NRDE2: variants seen among roughly 807,000 people sequenced by gnomAD.
NRDE2 encodes the protein nuclear exosome regulator NRDE2.
Under a neutral mutation model 124.2 loss-of-function variants are expected in NRDE2, and 76 were observed. The observed-to-expected ratio is 0.61, with a 90% CI of 0.51 to 0.74. The LOEUF is 0.74. NRDE2 is among the 30% of genes least tolerant of loss of function. NRDE2 has a pLI of 0.00. For missense variants in NRDE2, 1,314 were observed against 1,417.3 expected, an observed-to-expected ratio of 0.93 and a Z score of 1.17; for synonymous variants, 489 against 528.1, an observed-to-expected ratio of 0.93 and a Z score of 1.01.
chr14:90,298,944 C>T (rs569992747), intron 7 of NRDE2, among the ~76,000 whole-genome samples: 3 of 152,334 alleles, frequency 2.0e-5, no homozygotes, highest in African/African-American at 7.2e-5. Flanking sequence ...CTATATATTC[C>T]TAACACCTGG....
chr14:90,314,502 C>T (rs945387093), intron 3 of NRDE2, among the ~76,000 whole-genome samples: 16 of 152,004 alleles, frequency 1.1e-4, no homozygotes, highest in Non-Finnish European at 2.4e-4. Flanking sequence ...GTAAAGATTC[C>T]CTGACATGAT....
At chr14:90,290,631 G>T (rs781395181) in intron 9 of NRDE2, 24 bp from the exon 10 acceptor site, 7 of 1,575,740 alleles carry the variant, frequency 4.4e-6, no homozygotes, top group Middle Eastern at 1.7e-4. Flanking sequence ...AAAATAAAGC[G>T]ACCCATGTAA....
At chr14:90,319,742 G>A (rs1885176248) in intron 1 of NRDE2, among the ~76,000 whole-genome samples, 1 of 152,088 alleles carries the variant, frequency 6.6e-6, no homozygotes. Flanking sequence ...ATGAACACTT[G>A]GGTTATTTCT....
At chr14:90,327,528 G>A (rs1223978797) in intron 1 of NRDE2, among the ~76,000 whole-genome samples, 4 of 150,566 alleles carry the variant, frequency 2.7e-5, no homozygotes, top group South Asian at 2.1e-4. Flanking sequence ...CAACCTGGGC[G>A]ACAGAGTGAA....
chr14:90,303,072 T>C lies in NRDE2; in HGVS notation c.1059A>G (p.Glu353=), dbSNP rs1200689595. Residue 353 remains glutamate (E), a synonymous_variant, in exon 6 of 14, where the codon GAA becomes GAG. Transcript: ENST00000354366. ...TGAGCTTCAGGGACCTCTTTCGCTTTTCCTGCTCTCCTTCCTCGATGGCAT... is the reference window on the plus strand; with the variant it reads ...TGAGCTTCAGGGACCTCTTTCGCTTCTCCTGCTCTCCTTCCTCGATGGCAT... ...GLYAIEEGEQ[E]KRKRSLKLIL... is the part of the protein sequence containing the mutation. 1.2e-6 allele frequency: 2 copies of C among 1,614,016 alleles called. No homozygotes were observed. The highest frequency in any genetic ancestry group is 1.7e-5 in the Admixed American group (1 of 60,032).
In NRDE2 at chr14:90,291,461, A is replaced by C. The variant is rs371894236; in HGVS notation, c.1843-854T>G. On this transcript the variant is annotated intron_variant, in intron 9 of 13. Coordinates refer to ENST00000354366, the MANE Select transcript of NRDE2 (RefSeq NM_017970.4). ...ATGGCAAGAAATCGCTTGCAGCAGC[A>C]GTCTGCTCCAGAAATCTGCTTCCAG... Among the ~76,000 whole-genome samples, 292 of 152,372 alleles carry C rather than the reference A, an allele frequency of 1.9e-3. 1 individual carries two copies. The Middle Eastern group carries it at 0.037, about 20-fold the overall frequency.
In NRDE2 at chr14:90,288,126, C is replaced by G. The variant is rs999365255; in HGVS notation, c.3158+91G>C. On this transcript the variant is annotated intron_variant, in intron 11 of 13. Transcript: ENST00000354366. ...TCTGGGCACCGTGCCATGTTCATCC[C>G]TGTCTTCCTGAGACCCAGCAAGGTC... 18 of 1,219,480 alleles carry G rather than the reference C, an allele frequency of 1.5e-5. No individual in the cohort carries two copies. The African/African-American group carries it at 2.4e-4, about 16-fold the overall frequency. The allele number at this position is 1,219,480 out of a possible 1,614,324, so 75.5% of individuals were successfully genotyped here.
At chr14:90,324,041 T>C (rs1056591142) in intron 1 of NRDE2, among the ~76,000 whole-genome samples, 15 of 152,162 alleles carry the variant, frequency 9.9e-5, no homozygotes, top group Admixed American at 3.3e-4. Flanking sequence ...AAATAGGGAA[T>C]AATGACAGCA....
intron 1 of NRDE2, among the ~76,000 whole-genome samples, chr14:90,319,530 C>T (rs1885168745): frequency 6.6e-6 from 1 of 152,066 alleles, no homozygotes; most frequent in Admixed American, 6.5e-5. Context: ...TAGCCAAACA[C>T]TAACCTGCTT....
chr14:90,320,022 G>T (rs1307396521), intron 1 of NRDE2, among the ~76,000 whole-genome samples: 1 of 152,184 alleles, frequency 6.6e-6, no homozygotes. Flanking sequence ...TAGTGGGTAT[G>T]ATGTGTCATC....
intron 1 of NRDE2, among the ~76,000 whole-genome samples, chr14:90,328,538 T>C (rs1224695138): frequency 6.6e-6 from 1 of 152,212 alleles, no homozygotes; most frequent in East Asian, 1.9e-4. Context: ...GGCTGCTTCA[T>C]ATGGGATGAA....
chr14:90,329,728 C>T (rs1885591742), intron 1 of NRDE2, among the ~76,000 whole-genome samples: 1 of 150,490 alleles, frequency 6.6e-6, no homozygotes, highest in African/African-American at 2.4e-5. Flanking sequence ...ATCCAAGCTA[C>T]TCGGGAGACT....
At position 90,270,904 on chromosome 14, in the gene NRDE2, A is replaced by G. The variant is rs1168090118; in HGVS notation, c.*7432T>C. The stretch of plus-strand genomic sequence containing the variant: ...AAAGAGCTGGGTTTTCGTTGGGCAT[A>G]AATGCCATGGTTAGGTAGGGACAGC... On this transcript the variant is annotated 3_prime_UTR_variant, in exon 14 of 14. Coordinates refer to ENST00000354366, the MANE Select transcript of NRDE2 (RefSeq NM_017970.4). 1 of 152,298 alleles carries G rather than the reference A, an allele frequency of 6.6e-6. No individual in the cohort carries two copies. The highest frequency in any genetic ancestry group is 1.5e-5 in the Non-Finnish European group (1 of 68,094). 9.4% of individuals were successfully genotyped at this position (152,298 alleles called of 1,614,324 possible).
chr14:90,288,537 C>T lies in NRDE2; in HGVS notation c.2838G>A (p.Gly946=), dbSNP rs774305739. Residue 946 remains glycine (G), a synonymous_variant, in exon 11 of 14, where the codon GGG becomes GGA. Transcript: ENST00000354366. ...SSVFPEGSGE[G]DSASSQSWTS... is the part of the protein sequence containing the mutation. ...TCCAACTCTGGGAGCTGGCACTGTCCCCCTCGCCAGAGCCTTCTGGGAAAA... is the reference window on the plus strand; with the variant it reads ...TCCAACTCTGGGAGCTGGCACTGTCTCCCTCGCCAGAGCCTTCTGGGAAAA... 6.2e-7 allele frequency: 1 copy of T among 1,614,116 alleles called. No homozygotes were observed. The highest frequency in any genetic ancestry group is 2.2e-5 in the East Asian group (1 of 44,884).
chr14:90,300,641 C>G (rs1301123880), intron 7 of NRDE2, among the ~76,000 whole-genome samples: 1 of 150,612 alleles, frequency 6.6e-6, no homozygotes, highest in Non-Finnish European at 1.5e-5. Flanking sequence ...ATTAACCCTT[C>G]CCCAATAAGG....
chr14:90,274,838 A>ACACACAC lies in NRDE2; in HGVS notation c.*3497_*3498insGTGTGTG, dbSNP rs1491397403. ...CACACACACACACACACACACACAC[A>ACACACAC]CCCCAATACATATGAATTGATCTGA... On this transcript the variant is annotated 3_prime_UTR_variant, in exon 14 of 14. Coordinates refer to ENST00000354366, the MANE Select transcript of NRDE2 (RefSeq NM_017970.4). 9 of 67,220 alleles carry ACACACAC rather than the reference A, an allele frequency of 1.3e-4. No homozygotes were observed. The highest frequency in any genetic ancestry group is 1.0e-3 in the East Asian group (3 of 2,958). 4.2% of individuals were successfully genotyped at this position (67,220 alleles called of 1,614,324 possible). A position where few individuals can be genotyped will look rare whatever the true frequency, so the allele number is the denominator to read the frequency against.
intron 12 of NRDE2, 69 bp from the exon 13 acceptor site, chr14:90,279,202 C>T (rs1334740182): frequency 8.2e-7 from 1 of 1,223,610 alleles, no homozygotes; most frequent in South Asian, 1.2e-5. Flanking sequence ...CACAAACGCC[C>T]CTGGATGACG....
intron 4 of NRDE2, among the ~76,000 whole-genome samples, chr14:90,311,558 C>T (rs184203623): frequency 1.3e-5 from 2 of 152,286 alleles, no homozygotes; most frequent in Admixed American, 1.3e-4. Flanking sequence ...CTCCACCTTC[C>T]ACCATGATTG....
chr14:90,292,971 C>G, intron 8 of NRDE2, 99 bp from the exon 9 acceptor site: 1 of 1,073,442 alleles, frequency 9.3e-7, no homozygotes, highest in South Asian at 1.4e-5. Context: ...ACCCGCAATG[C>G]CAAGATGTGT....
Sources: gnomAD v4.1 joint callset for allele counts (sites outside exome capture counted in the v4.1 genomes callset) on GRCh38, gnomAD v4.1.1 for gene constraint, MANE v1.5 for transcripts, NCBI Gene and HGNC (gene_info 2026-07-23, HGNC 2026-07-21) for gene names.